The following THEMIS variants were observed in gnomAD, a reference collection of about 807,000 sequenced individuals.
THEMIS encodes protein THEMIS.
THEMIS carries 37 observed loss-of-function variants against 52.6 expected under a neutral mutation model. The observed-to-expected ratio is 0.70, with a 90% CI of 0.54 to 0.93. THEMIS has a LOEUF of 0.93. Among genes scored for constraint, THEMIS ranks in the 40% least tolerant of loss-of-function variants. The pLI, the probability that THEMIS is intolerant of heterozygous loss-of-function variation, is 0.00. For missense variants in THEMIS, 808 were observed against 763.1 expected, an observed-to-expected ratio of 1.06 and a Z score of -0.69; for synonymous variants, 292 against 272.7, an observed-to-expected ratio of 1.07 and a Z score of -0.70.
chr6:127,762,410 A>T (rs1345959268), intron 4 of THEMIS, among the ~76,000 whole-genome samples: 1 of 152,122 alleles, frequency 6.6e-6, no homozygotes. Flanking sequence ...ACCAGAACTG[A>T]AACAATAACA....
At chr6:127,918,552 C>A (rs546589724), upstream of THEMIS, 4 of 152,268 alleles carry the variant, frequency 2.6e-5, no homozygotes, top group South Asian at 6.2e-4. Context: ...CCCTACCCAC[C>A]AGCCAAAGAG....
chr6:127,721,369 T>C (rs1215368821), intron 4 of THEMIS, among the ~76,000 whole-genome samples: 5 of 152,068 alleles, frequency 3.3e-5, no homozygotes, highest in African/African-American at 1.2e-4. Context: ...CCACCGTCTA[T>C]CTATAGTATC....
intron 4 of THEMIS, among the ~76,000 whole-genome samples, chr6:127,759,537 G>T (rs1468859365): frequency 6.6e-6 from 1 of 152,046 alleles, no homozygotes; most frequent in Non-Finnish European, 1.5e-5. Context: ...GCAGTAAGTG[G>T]AAAATTTGTT....
At chr6:127,744,286 T>G (rs1583223370) in intron 4 of THEMIS, among the ~76,000 whole-genome samples, 1 of 152,038 alleles carries the variant, frequency 6.6e-6, no homozygotes, top group East Asian at 1.9e-4. Flanking sequence ...CTTAATATCC[T>G]TATGTTACCC....
chr6:127,734,925 G>A (rs1418721151), intron 4 of THEMIS, among the ~76,000 whole-genome samples: 4 of 138,380 alleles, frequency 2.9e-5, no homozygotes, highest in Non-Finnish European at 6.2e-5. Context: ...GTGTGTGTGT[G>A]TGTGTGTGTG....
chr6:127,844,608 T>C (rs1039175744), intron 2 of THEMIS, among the ~76,000 whole-genome samples: 1 of 151,930 alleles, frequency 6.6e-6, no homozygotes, highest in Non-Finnish European at 1.5e-5. Flanking sequence ...ATCTATGTTC[T>C]TCATAAAAAT....
intron 2 of THEMIS, among the ~76,000 whole-genome samples, chr6:127,849,358 G>A (rs902977613): frequency 7.2e-5 from 11 of 151,868 alleles, no homozygotes; most frequent in South Asian, 2.1e-4. Flanking sequence ...GTCAGGTAGC[G>A]TGATGCCTCC....
At chr6:127,809,978 C>A (rs1180210340) in intron 4 of THEMIS, among the ~76,000 whole-genome samples, 3 of 151,334 alleles carry the variant, frequency 2.0e-5, no homozygotes, top group Admixed American at 6.6e-5. Flanking sequence ...GAGTGAGACT[C>A]AGAATTGAAC....
At chr6:127,756,520 GC>G (rs1383690020) in intron 4 of THEMIS, among the ~76,000 whole-genome samples, 2 of 152,080 alleles carry the variant, frequency 1.3e-5, no homozygotes, top group Non-Finnish European at 2.9e-5. Flanking sequence ...TTGAACTGAA[GC>G]TTTTTTTTCC....
chr6:127,908,623 A>T (rs1053764647), intron 1 of THEMIS, among the ~76,000 whole-genome samples: 2 of 152,144 alleles, frequency 1.3e-5, no homozygotes, highest in African/African-American at 2.4e-5. Flanking sequence ...CCTCAGAACC[A>T]TGAAATAAAA....
At chr6:127,767,243 C>T (rs1233094523) in intron 4 of THEMIS, among the ~76,000 whole-genome samples, 1 of 151,886 alleles carries the variant, frequency 6.6e-6, no homozygotes, top group East Asian at 1.9e-4. Context: ...AAATGTGCAC[C>T]ATCACACTCA....
At chr6:127,730,840 T>G (rs1475296054) in intron 4 of THEMIS, among the ~76,000 whole-genome samples, 1 of 152,236 alleles carries the variant, frequency 6.6e-6, no homozygotes, top group Non-Finnish European at 1.5e-5. Context: ...TGTGTGTTCC[T>G]GGCTACCAAC....
intron 1 of THEMIS, among the ~76,000 whole-genome samples, chr6:127,897,388 T>C (rs967665794): frequency 2.6e-5 from 4 of 150,988 alleles, no homozygotes; most frequent in South Asian, 2.1e-4. Context: ...ACACAGAAAA[T>C]TGACAAAGAG....
chr6:127,747,219 T>C (rs1487960860), intron 4 of THEMIS, among the ~76,000 whole-genome samples: 6 of 138,528 alleles, frequency 4.3e-5, no homozygotes, highest in Non-Finnish European at 7.7e-5. Flanking sequence ...GCATATTATA[T>C]TATATGCACA....
intron 4 of THEMIS, among the ~76,000 whole-genome samples, chr6:127,757,979 C>A (rs911056081): frequency 1.3e-5 from 2 of 151,814 alleles, no homozygotes; most frequent in Non-Finnish European, 2.9e-5. Context: ...ATTATATTCA[C>A]ATACGAATAT....
At chr6:127,908,125 A>C (rs2114523358) in intron 1 of THEMIS, among the ~76,000 whole-genome samples, 1 of 152,206 alleles carries the variant, frequency 6.6e-6, no homozygotes, top group East Asian at 1.9e-4. Context: ...AATAAAACTC[A>C]ATGTAGGATT....
chr6:127,792,648 T>A (rs1777196684), intron 4 of THEMIS, among the ~76,000 whole-genome samples: 1 of 152,214 alleles, frequency 6.6e-6, no homozygotes, highest in African/African-American at 2.4e-5. Flanking sequence ...CAATCAAATC[T>A]GAATTACTGC....
At chr6:127,800,185 G>A (rs950745899) in intron 4 of THEMIS, among the ~76,000 whole-genome samples, 14 of 152,154 alleles carry the variant, frequency 9.2e-5, no homozygotes, top group African/African-American at 3.4e-4. Context: ...ATGAGTTGAT[G>A]CATGTAGAAA....
At chr6:127,734,990 T>C (rs1248564661) in intron 4 of THEMIS, among the ~76,000 whole-genome samples, 1 of 146,870 alleles carries the variant, frequency 6.8e-6, no homozygotes, top group East Asian at 2.0e-4. Context: ...TATATATATA[T>C]ATACTGGAGT....
Sources: allele counts gnomAD v4.1 joint callset (sites outside exome capture counted in the v4.1 genomes callset), GRCh38; gene constraint gnomAD v4.1.1; transcripts MANE v1.5; gene names NCBI Gene and HGNC (gene_info 2026-07-23, HGNC 2026-07-21).